The following KCNQ3 variants were observed in gnomAD, a reference collection of about 807,000 sequenced individuals.
KCNQ3 encodes potassium voltage-gated channel subfamily KQT member 3.
Under a neutral mutation model 92.5 loss-of-function variants are expected in KCNQ3, and 30 were observed. The observed-to-expected ratio is 0.32, with a 90% confidence interval of 0.24 to 0.44. The LOEUF is 0.44. Among genes scored for constraint, KCNQ3 ranks in the 20% least tolerant of loss-of-function variants. The pLI is 1.00. For missense variants in KCNQ3, 913 were observed against 1,140.3 expected (o/e 0.80, Z 2.87); for synonymous variants, 450 against 468.8 (o/e 0.96, Z 0.52).
At position 132,126,677 on chromosome 8, in the gene KCNQ3, A is replaced by AATC. The variant is rs1243602037; in HGVS notation, c.*2582_*2584dup. On this transcript the variant is annotated 3_prime_UTR_variant, in exon 15 of 15. Coordinates refer to ENST00000388996, the MANE Select transcript of KCNQ3 (RefSeq NM_004519.4). Reference sequence around the variant, plus strand: ...CCCTACTACTGATCAATACAAACCCAATCTCTGCTGTCCTGGTCTTATGAT... The same window carrying AATC: ...CCCTACTACTGATCAATACAAACCCAATCATCTCTGCTGTCCTGGTCTTATGAT... 2 of 152,100 alleles carry AATC rather than the reference A, an allele frequency of 1.3e-5. No individual in the cohort carries two copies. Among genetic ancestry groups the AATC allele is most frequent in the African/African-American group, 4.8e-5 (2 of 41,416 alleles). 9.4% of individuals were successfully genotyped at this position (152,100 alleles called of 1,614,324 possible).
intron 1 of KCNQ3, among the ~76,000 whole-genome samples, chr8:132,337,597 G>A (rs1377075562): frequency 6.6e-6 from 1 of 152,090 alleles, no homozygotes; most frequent in Admixed American, 6.5e-5. Context: ...GTACCAACAG[G>A]TCACATGTTG....
intron 1 of KCNQ3, among the ~76,000 whole-genome samples, chr8:132,352,271 G>A (rs1818895909): frequency 6.6e-6 from 1 of 152,096 alleles, no homozygotes; most frequent in Non-Finnish European, 1.5e-5. Flanking sequence ...AGGGGACAAA[G>A]GGATGATCTT....
intron 2 of KCNQ3, among the ~76,000 whole-genome samples, chr8:132,185,741 A>G (rs1035299588): frequency 9.2e-5 from 14 of 152,258 alleles, no homozygotes; most frequent in African/African-American, 3.4e-4. Flanking sequence ...TACCAGGAAG[A>G]AAAAGCAGAG....
Position 132,129,748 on chromosome 8 carries a change from C to T in KCNQ3, c.2133G>A (p.Gly711=), listed in dbSNP as rs199701721. 7.3e-5 allele frequency: 118 copies of T among 1,614,170 alleles called. 1 individual carries two copies. Among genetic ancestry groups the T allele is most frequent in the Non-Finnish European group, 9.9e-5 (117 of 1,180,026 alleles). ...QVTIDKVSPY[G]FFAHDPVNLP... ...GGTTCACAGGGTCATGTGCAAAAAA[C>T]CCATAGGGGCTGACTTTGTCAATGG... Residue 711 remains glycine, a synonymous_variant, in exon 15 of 15, where the codon GGG becomes GGA. Transcript: ENST00000388996. This position sits in a 1 kb window ranked among gnomAD's most constrained non-coding sequence, Gnocchi z 5.9.
chr8:132,146,848 G>C (rs1825465055), intron 9 of KCNQ3, among the ~76,000 whole-genome samples: 1 of 152,172 alleles, frequency 6.6e-6, no homozygotes, highest in Non-Finnish European at 1.5e-5. Flanking sequence ...AGTAGAAACA[G>C]GGTTTTGCCA....
rs568659056 is a variant in KCNQ3 at position 132,168,717 on chromosome 8, ATGTGTGTGTGTGTGTGTGTGTGTGTG to A, written c.1235+1591_1235+1616del. On this transcript the variant is annotated intron_variant, in intron 8 of 14. Transcript: ENST00000388996. ...GAAAGAGAAATTGAGGATAATGAAT[ATGTGTGTGTGTGTGTGTGTGTGTGTG>A]TGTGTGTGTGTGTGTGTGTGTGTGT... Among the ~76,000 whole-genome samples, 154 of 108,518 alleles carry A rather than the reference ATGTGTGTGTGTGTGTGTGTGTGTGTG, an allele frequency of 1.4e-3. 1 individual carries two copies. Among genetic ancestry groups the A allele is most frequent in the African/African-American group, 2.2e-3 (57 of 26,216 alleles). 71.2% of individuals were successfully genotyped at this position (108,518 alleles called of 152,430 possible).
chr8:132,301,992 C>T (rs1817230072), intron 1 of KCNQ3, among the ~76,000 whole-genome samples: 1 of 152,088 alleles, frequency 6.6e-6, no homozygotes, highest in African/African-American at 2.4e-5. Context: ...AGGACAAATG[C>T]CTGGGGATAT....
At chr8:132,209,959 A>T (rs537621792) in intron 1 of KCNQ3, among the ~76,000 whole-genome samples, 1 of 152,206 alleles carries the variant, frequency 6.6e-6, no homozygotes, top group Non-Finnish European at 1.5e-5. Context: ...TATCTGTATA[A>T]GAGTCATGAC....
Position 132,480,659 on chromosome 8 carries a change from C to G in KCNQ3, c.-127G>C. The G allele has an allele frequency of 4.0e-6, 4 of 991,364 alleles. No individual in the cohort carries two copies. Among genetic ancestry groups the G allele is most frequent in the South Asian group, 2.9e-5 (1 of 34,104 alleles). The allele number at this position is 991,364 out of a possible 1,614,324, so 61.4% of individuals were successfully genotyped here. A position where few individuals can be genotyped will look rare whatever the true frequency, so the allele number is the denominator to read the frequency against. The stretch of plus-strand genomic sequence containing the variant: ...GGGAACTCCAATGCCATGATCCGCG[C>G]GCCCCTCCCCACCCCCCCCCAAAAG... On this transcript the variant is annotated 5_prime_UTR_variant, in exon 1 of 15. Coordinates refer to ENST00000388996, the MANE Select transcript of KCNQ3 (RefSeq NM_004519.4).
rs148554164 is a variant in KCNQ3 at position 132,198,724 on chromosome 8, T to C, written c.387-12543A>G. 4.5e-3 allele frequency among the ~76,000 whole-genome samples: 680 copies of C among 152,200 alleles called. 3 individuals carry two copies. The highest frequency in any genetic ancestry group is 0.015 in the African/African-American group (641 of 41,522). On this transcript the variant is annotated intron_variant, in intron 1 of 14. Transcript: ENST00000388996. ...TGGGAGGCTGAGGCAGGAGAATAGC[T>C]TGAACCCGGGAGGTAGAGGTTGCAG...
intron 1 of KCNQ3, among the ~76,000 whole-genome samples, chr8:132,237,599 AG>A (rs1277659038): frequency 6.6e-6 from 1 of 152,170 alleles, no homozygotes; most frequent in Admixed American, 6.5e-5. Flanking sequence ...TTCACAGAAA[AG>A]GAAGAAACTC....
chr8:132,250,305 A>C (rs1206863930), intron 1 of KCNQ3, among the ~76,000 whole-genome samples: 1 of 152,200 alleles, frequency 6.6e-6, no homozygotes. Context: ...AGACAAACAG[A>C]TTCCTGACAA....
chr8:132,381,046 G>A (rs973031600), intron 1 of KCNQ3, among the ~76,000 whole-genome samples: 4 of 151,938 alleles, frequency 2.6e-5, no homozygotes, highest in African/African-American at 4.8e-5. Flanking sequence ...GGCAGTCAGC[G>A]CTGCCAAGAA....
chr8:132,147,932 G>A (rs1314518658), intron 9 of KCNQ3, among the ~76,000 whole-genome samples: 1 of 152,124 alleles, frequency 6.6e-6, no homozygotes, highest in Non-Finnish European at 1.5e-5. Context: ...TTCCCTTTAA[G>A]AGTACTTTTA....
In KCNQ3 at chr8:132,349,078, T is replaced by C. The variant is rs1818782155; in HGVS notation, c.386+131069A>G. Among the ~76,000 whole-genome samples, 5 of 152,156 alleles carry C rather than the reference T, an allele frequency of 3.3e-5. No individual in the cohort carries two copies. In the South Asian group the frequency reaches 1.0e-3, roughly 32 times the overall value. ...CACCTGTAAAAGCAAGAGGCTGAGC[T>C]AGATGGTCCTGGAGAGCCCTTCCAC... On this transcript the variant is annotated intron_variant, in intron 1 of 14. Coordinates refer to ENST00000388996, the MANE Select transcript of KCNQ3 (RefSeq NM_004519.4).
chr8:132,330,670 G>T (rs923028673), intron 1 of KCNQ3, among the ~76,000 whole-genome samples: 3 of 152,186 alleles, frequency 2.0e-5, no homozygotes, highest in African/African-American at 7.2e-5. Context: ...ATTAGGAGCT[G>T]GGAAGTAAGT....
chr8:132,261,014 C>T (rs1277337736), intron 1 of KCNQ3, among the ~76,000 whole-genome samples: 1 of 152,058 alleles, frequency 6.6e-6, no homozygotes, highest in Non-Finnish European at 1.5e-5. Context: ...CAACCATTAC[C>T]ACTATGTATT....
chr8:132,192,952 C>G (rs899895539), intron 1 of KCNQ3, among the ~76,000 whole-genome samples: 1 of 152,160 alleles, frequency 6.6e-6, no homozygotes, highest in Admixed American at 6.5e-5. Flanking sequence ...CGGTCTTTCT[C>G]TATAGTCTTG....
At chr8:132,146,144 G>C (rs1010566681) in intron 9 of KCNQ3, among the ~76,000 whole-genome samples, 2 of 152,240 alleles carry the variant, frequency 1.3e-5, no homozygotes, top group African/African-American at 4.8e-5. Flanking sequence ...AAAGATTTTT[G>C]AGGAGAAAGT....
Sources: gnomAD v4.1 joint callset for allele counts (sites outside exome capture counted in the v4.1 genomes callset) on GRCh38, gnomAD v4.1.1 for gene constraint, Gnocchi (gnomAD v3.1) non-coding constraint, MANE v1.5 for transcripts, NCBI Gene and HGNC (gene_info 2026-07-23, HGNC 2026-07-21) for gene names.